Variants in LAP3 observed in about 807,000 individuals in gnomAD.
LAP3 encodes cytosol aminopeptidase.
In LAP3, 46 loss-of-function variants were observed where a neutral mutation model predicts 58.8. That is an observed-to-expected ratio of 0.78 (90% CI 0.62 to 1.00). The LOEUF is 1.00. Ranked by LOEUF, LAP3 falls within the 50% of genes least tolerant of loss-of-function variation. LAP3 has a pLI of 0.00. For missense variants in LAP3, 615 were observed against 659.1 expected (o/e 0.93, Z 0.73); for synonymous variants, 257 against 237.7 (o/e 1.08, Z -0.75).
intron 7 of LAP3, among the ~76,000 whole-genome samples, chr4:17,593,328 GTGGC>G (rs1713744278): frequency 6.6e-6 from 1 of 150,820 alleles, no homozygotes; most frequent in Admixed American, 6.6e-5. Flanking sequence ...TTTTTCCTAT[GTGGC>G]TGTTCATTTA....
chr4:17,601,629 C>T (rs1313086645), intron 10 of LAP3, among the ~76,000 whole-genome samples: 3 of 152,102 alleles, frequency 2.0e-5, no homozygotes, highest in African/African-American at 7.2e-5. Flanking sequence ...ACCAAACCCA[C>T]GATGCTCACA....
intron 7 of LAP3, among the ~76,000 whole-genome samples, chr4:17,591,899 G>T (rs372579069): frequency 6.6e-6 from 1 of 152,184 alleles, no homozygotes. Flanking sequence ...ACAGAATGAC[G>T]TGAGATTTAT....
At position 17,582,403 on chromosome 4, in the gene LAP3, CTTT is replaced by C; in HGVS notation, c.379+13_379+15del. On this transcript the variant is annotated intron_variant, in intron 4 of 12. Transcript: ENST00000226299. ...AGAGCTGCTGTTGCAGGTTATTTCA[CTTT>C]TTAAGTTTAAAGAATCCTGAGGATC... 1 of 1,600,590 alleles carries C rather than the reference CTTT, an allele frequency of 6.2e-7. No individual in the cohort carries two copies. Among genetic ancestry groups the C allele is most frequent in the Non-Finnish European group, 8.5e-7 (1 of 1,170,766 alleles).
chr4:17,588,456 T>A (rs1415881361), intron 6 of LAP3, among the ~76,000 whole-genome samples: 1 of 152,184 alleles, frequency 6.6e-6, no homozygotes, highest in Non-Finnish European at 1.5e-5. Context: ...TCTAACTTCA[T>A]CTTTAAATTA....
intron 4 of LAP3, 84 bp downstream of exon 4, chr4:17,582,477 G>A: frequency 9.7e-7 from 1 of 1,028,144 alleles, no homozygotes; most frequent in Non-Finnish European, 1.5e-6. Flanking sequence ...CCTTTTACCA[G>A]TTGCCACCCC....
At position 17,583,568 on chromosome 4, in the gene LAP3, G is replaced by A. The variant is rs767213049; in HGVS notation, c.465G>A (p.Ala155=). The change falls in exon 5 of 13, where the codon GCG becomes GCA. Residue 155 remains alanine, a synonymous_variant. Transcript: ENST00000226299. ...CGDAQAAAEG[A]VLGLYEYDDL... is the part of the protein sequence containing the mutation. ...ACGCTCAGGCTGCTGCGGAGGGAGC[G>A]GTGCTTGGTCTCTATGAATACGATG... 16 of 1,614,106 alleles carry A rather than the reference G, an allele frequency of 9.9e-6. No individual in the cohort carries two copies. Among genetic ancestry groups the A allele is most frequent in the Admixed American group, 5.0e-5 (3 of 60,018 alleles).
At chr4:17,592,616 T>C (rs930003607) in intron 7 of LAP3, among the ~76,000 whole-genome samples, 9 of 152,226 alleles carry the variant, frequency 5.9e-5, no homozygotes, top group Non-Finnish European at 1.2e-4. Flanking sequence ...AGTGTTTAAC[T>C]TTTAAGAAAC....
At chr4:17,599,764 A>T (rs1713941182) in intron 10 of LAP3, among the ~76,000 whole-genome samples, 1 of 150,748 alleles carries the variant, frequency 6.6e-6, no homozygotes, top group Non-Finnish European at 1.5e-5. Context: ...AAATAAAAAC[A>T]TTTTACCAGA....
intron 7 of LAP3, among the ~76,000 whole-genome samples, chr4:17,592,634 C>T (rs1713716068): frequency 6.6e-6 from 1 of 152,208 alleles, no homozygotes; most frequent in African/African-American, 2.4e-5. Context: ...AACTACCAAA[C>T]TTTTCCAAAG....
intron 10 of LAP3, among the ~76,000 whole-genome samples, chr4:17,603,196 C>T (rs1335616056): frequency 2.6e-5 from 4 of 151,632 alleles, no homozygotes; most frequent in African/African-American, 9.7e-5. Flanking sequence ...GTAGTCCCAG[C>T]TACTCAGGAT....
In LAP3 at chr4:17,607,489, C is replaced by A; in HGVS notation, c.1460C>A (p.Thr487Asn). ...CATTTAGACATAGCAGGCGTGATGACCAACAAAGATGAAGTTCCCTATCTA... is the reference window on the plus strand; with the variant it reads ...CATTTAGACATAGCAGGCGTGATGAACAACAAAGATGAAGTTCCCTATCTA... ...WAHLDIAGVMTNKDEVPYLRK... is the reference protein window; with the variant it reads ...WAHLDIAGVMNNKDEVPYLRK... Residue 487 changes from threonine (T) to asparagine (N), a missense_variant, in exon 13 of 13, where the codon ACC (threonine) becomes AAC (asparagine). Physicochemically the swap from Thr to Asn is moderately conservative, Grantham distance 65. Coordinates refer to ENST00000226299, the MANE Select transcript of LAP3 (RefSeq NM_015907.3). The A allele has an allele frequency of 6.2e-7, 1 of 1,614,100 alleles. No individual in the cohort carries two copies. Among genetic ancestry groups the A allele is most frequent in the South Asian group, 1.1e-5 (1 of 91,076 alleles).
intron 6 of LAP3, among the ~76,000 whole-genome samples, chr4:17,587,173 C>T (rs143414758): frequency 6.6e-6 from 1 of 152,248 alleles, no homozygotes; most frequent in East Asian, 1.9e-4. Flanking sequence ...GAGAGTGGGG[C>T]AGGACAGTTC....
chr4:17,588,434 C>T (rs775686094), intron 6 of LAP3, among the ~76,000 whole-genome samples: 6 of 152,076 alleles, frequency 3.9e-5, no homozygotes, highest in East Asian at 1.9e-4. Context: ...CATGAGCCAC[C>T]GCACCCGGCC....
chr4:17,591,357 C>T (rs922568827), intron 7 of LAP3, among the ~76,000 whole-genome samples: 3 of 150,448 alleles, frequency 2.0e-5, no homozygotes, highest in Non-Finnish European at 4.4e-5. Context: ...TGGCCAGGCT[C>T]GTCTCAAACT....
In LAP3 at chr4:17,585,013, C is replaced by T. The variant is rs1713464954; in HGVS notation, c.581C>T (p.Ser194Phe). The stretch of plus-strand genomic sequence containing the variant: ...TGGCAGAAAGGAGTCCTGTTTGCTT[C>T]TGGGCAGAACTTGGCACGCCAATTG... ...EAWQKGVLFA[S>F]GQNLARQLME... The change falls in exon 6 of 13, where the codon TCT becomes TTT. Residue 194 changes from serine (S) to phenylalanine (F), a missense_variant. Physicochemically the swap from Ser to Phe is radical, Grantham distance 155 (BLOSUM62 -2). Transcript: ENST00000226299. 6.2e-7 allele frequency: 1 copy of T among 1,614,136 alleles called. No individual in the cohort carries two copies. Among genetic ancestry groups the T allele is most frequent in the Non-Finnish European group, 8.5e-7 (1 of 1,180,014 alleles).
intron 7 of LAP3, among the ~76,000 whole-genome samples, chr4:17,593,836 C>T (rs1270526958): frequency 6.6e-6 from 1 of 151,976 alleles, no homozygotes; most frequent in African/African-American, 2.4e-5. Context: ...TGGTCTCGAA[C>T]TCCTGGGCTC....
chr4:17,606,574 G>C (rs534495517), intron 11 of LAP3, among the ~76,000 whole-genome samples: 1 of 152,298 alleles, frequency 6.6e-6, no homozygotes, highest in South Asian at 2.1e-4. Context: ...TCTTGACCTC[G>C]TGATCCACCC....
chr4:17,604,529 C>T (rs1260786265), intron 10 of LAP3, 59 bp from the exon 11 acceptor site: 6 of 1,244,388 alleles, frequency 4.8e-6, no homozygotes, highest in East Asian at 2.3e-5. Context: ...ATCTGGGTGG[C>T]GGAGGAGCCC....
rs140645310 is a variant in LAP3 at position 17,582,475 on chromosome 4, C to T, written c.379+82C>T. Reference sequence around the variant, plus strand: ...CTCTTTCCCCTTTTTGTCCTTTTACCAGTTGCCACCCCTTACCACGTTCAC... The same window carrying T: ...CTCTTTCCCCTTTTTGTCCTTTTACTAGTTGCCACCCCTTACCACGTTCAC... On this transcript the variant is annotated intron_variant, in intron 4 of 12. Transcript: ENST00000226299. 69 of 1,034,188 alleles carry T rather than the reference C, an allele frequency of 6.7e-5. No homozygotes were observed. In the African/African-American group the frequency reaches 1.1e-3, roughly 16 times the overall value. 64.1% of individuals were successfully genotyped at this position (1,034,188 alleles called of 1,614,324 possible).
Sources: allele counts gnomAD v4.1 joint callset (sites outside exome capture counted in the v4.1 genomes callset), GRCh38; gene constraint gnomAD v4.1.1; transcripts MANE v1.5; gene names NCBI Gene and HGNC (gene_info 2026-07-23, HGNC 2026-07-21).